Variants in TOP3A observed in about 807,000 individuals in gnomAD.
TOP3A encodes DNA topoisomerase III alpha.
A neutral mutation model predicts 111.3 loss-of-function variants in TOP3A; 64 were observed. The ratio of observed to expected loss-of-function variants is 0.57; its 90% confidence interval spans 0.47 to 0.71. The LOEUF is 0.71. Ranked by LOEUF, TOP3A falls within the 30% of genes least tolerant of loss-of-function variation. The pLI, the probability that TOP3A is intolerant of heterozygous loss-of-function variation, is 0.00. For missense variants in TOP3A, 1,104 were observed against 1,285.0 expected (o/e 0.86, Z 2.15); for synonymous variants, 484 against 485.1 (o/e 1.00, Z 0.03).
In TOP3A at chr17:18,273,955, T is replaced by A. The variant is rs1195964709; in HGVS notation, c.*847A>T. ...GATTCTTTTTATTTTTTTAAATTTTTAAATTTTTTTTGAGACTGAGTCTCG... is the reference window on the plus strand; with the variant it reads ...GATTCTTTTTATTTTTTTAAATTTTAAAATTTTTTTTGAGACTGAGTCTCG... On this transcript the variant is annotated 3_prime_UTR_variant, in exon 19 of 19. Transcript: ENST00000321105. 1.3e-5 allele frequency: 2 copies of A among 152,120 alleles called. No homozygotes were observed. The highest frequency in any genetic ancestry group is 1.5e-5 in the Non-Finnish European group (1 of 68,022). 9.4% of individuals were successfully genotyped at this position (152,120 alleles called of 1,614,324 possible). A position where few individuals can be genotyped will look rare whatever the true frequency, so the allele number is the denominator to read the frequency against.
chr17:18,284,893 A>G (rs1979990334), intron 15 of TOP3A, among the ~76,000 whole-genome samples: 1 of 152,242 alleles, frequency 6.6e-6, no homozygotes. Flanking sequence ...AGCTCTATGG[A>G]GAGTTGTAAA....
At chr17:18,285,575 G>A (rs534479088) in intron 13 of TOP3A, 55 bp from the exon 14 acceptor site, 8 of 1,510,930 alleles carry the variant, frequency 5.3e-6, no homozygotes, top group Non-Finnish European at 7.3e-6. Context: ...CTCCACCCGG[G>A]TGGCGCATGG....
intron 9 of TOP3A, among the ~76,000 whole-genome samples, chr17:18,299,269 A>T (rs567636120): frequency 1.3e-5 from 2 of 152,274 alleles, no homozygotes; most frequent in South Asian, 4.1e-4. Context: ...CTACCAAAAA[A>T]TTTTAAAAAT....
Position 18,302,375 on chromosome 17 carries a change from C to A in TOP3A, c.703G>T (p.Ala235Ser), listed in dbSNP as rs1424565141. 6.2e-7 allele frequency: 1 copy of A among 1,613,226 alleles called. No homozygotes were observed. Among genetic ancestry groups the A allele is most frequent in the African/African-American group, 1.3e-5 (1 of 74,878 alleles). Residue 235 changes from alanine to serine, a missense_variant, in exon 7 of 19, where the codon GCA (alanine) becomes TCA (serine). Ala to Ser is a moderately conservative substitution (Grantham distance 99). Coordinates refer to ENST00000321105, the MANE Select transcript of TOP3A (RefSeq NM_004618.5). The part of the protein sequence containing the change: ...RLQRIFPEVL[A>S]EQLISYGSCQ... ...CTGCCGTAACTGATGAGCTGCTCTG[C>A]CAGCACCTCAGGAAAAATCCTCTGA...
chr17:18,280,697 G>T lies in TOP3A; in HGVS notation c.2022-39C>A, dbSNP rs6502644. The T allele has an allele frequency of 0.3, 481,763 of 1,607,262 alleles. 74,859 individuals carry two copies. Among genetic ancestry groups the T allele is most frequent in the African/African-American group, 0.34 (25,180 of 74,862 alleles). On this transcript the variant is annotated intron_variant, in intron 16 of 18. Transcript: ENST00000321105. ...GCCATGTCAGATGATAGGAGTGCAG[G>T]AGATGCTCTCCGCTGTTGGCCATCA...
At position 18,302,700 on chromosome 17, in the gene TOP3A, G is replaced by A. The variant is rs1163645463; in HGVS notation, c.523C>T (p.Arg175Ter). ...GGTGTGATCTCAGAGAATCGGGCTC[G>A]CAACACCTGCAGATTGGGCTTTACT... is the stretch of plus-strand genomic sequence containing the variant. ...KAVKPNLQVLRARFSEITPHA... is the reference protein window; with the variant it reads ...KAVKPNLQVL Residue 175 changes from arginine to a stop codon, truncating the protein, a stop_gained, in exon 6 of 19, where the codon CGA becomes TGA. Coordinates refer to ENST00000321105, the MANE Select transcript of TOP3A (RefSeq NM_004618.5). LOFTEE classifies it high-confidence loss of function. 7 of 1,613,808 alleles carry A rather than the reference G, an allele frequency of 4.3e-6. No homozygotes were observed. The highest frequency in any genetic ancestry group is 5.1e-6 in the Non-Finnish European group (6 of 1,179,894).
At chr17:18,305,006 G>A in intron 5 of TOP3A, 106 bp downstream of exon 5, 12 of 874,348 alleles carry the variant, frequency 1.4e-5, no homozygotes, top group Non-Finnish European at 2.1e-5. Context: ...GGGAGGGAGA[G>A]TACCTGCAGA....
Position 18,292,687 on chromosome 17 carries a change from A to T in TOP3A, c.1239T>A (p.Ala413=). The T allele has an allele frequency of 6.3e-7, 1 of 1,590,032 alleles. No individual in the cohort carries two copies. Among genetic ancestry groups the T allele is most frequent in the Non-Finnish European group, 8.6e-7 (1 of 1,163,630 alleles). The change falls in exon 11 of 19, where the codon GCT becomes GCA. Residue 413 remains alanine (A), a synonymous_variant. Transcript: ENST00000321105. ...ATTTGGTGGGGTGAATGGGAGGGTG[A>T]GCTTGGTCAGACTTGTTCCCATTGC... ...TPRNGNKSDQ[A]HPPIHPTKYT... is the part of the protein sequence containing the mutation.
At chr17:18,280,772 G>T in intron 16 of TOP3A, 114 bp from the exon 17 acceptor site, 1 of 1,228,038 alleles carries the variant, frequency 8.1e-7, no homozygotes, top group Non-Finnish European at 1.2e-6. Context: ...CCCTTTTCTG[G>T]ATGACACTTA....
At chr17:18,291,969 C>A (rs1980502996) in intron 11 of TOP3A, among the ~76,000 whole-genome samples, 1 of 152,132 alleles carries the variant, frequency 6.6e-6, no homozygotes, top group African/African-American at 2.4e-5. Context: ...GCCTTGTCCT[C>A]CCACAGTGTT....
intron 18 of TOP3A, among the ~76,000 whole-genome samples, chr17:18,277,337 A>G (rs1180038841): frequency 6.6e-6 from 1 of 152,142 alleles, no homozygotes; most frequent in East Asian, 1.9e-4. Context: ...TACCCACTTC[A>G]TGTGTCTGGG....
rs540754836 is a variant in TOP3A, at chr17:18,298,117, G to A, written c.990+1442C>T. Among the ~76,000 whole-genome samples the A allele has an allele frequency of 7.9e-3, 1,155 of 146,156 alleles. 18 individuals are homozygous for A. The highest frequency in any genetic ancestry group is 0.028 in the African/African-American group (1,103 of 39,004). The stretch of plus-strand genomic sequence containing the variant: ...AGGAGCGTCTCTGCCCGGCCGCCCC[G>A]TCTGAGAGGTGAGGAGACCCTCTGC... On this transcript the variant is annotated intron_variant, in intron 9 of 18. Transcript: ENST00000321105.
chr17:18,291,125 A>G (rs1980453780), intron 11 of TOP3A, 98 bp from the exon 12 acceptor site: 2 of 1,225,674 alleles, frequency 1.6e-6, no homozygotes, highest in East Asian at 2.5e-5. Flanking sequence ...TGCACAGAAG[A>G]GGCCACACTG....
chr17:18,298,973 T>A (rs1218400353), intron 9 of TOP3A, among the ~76,000 whole-genome samples: 2 of 151,688 alleles, frequency 1.3e-5, no homozygotes, highest in African/African-American at 4.9e-5. Flanking sequence ...CACTTGTTTA[T>A]CTGCTGACCT....
At position 18,277,806 on chromosome 17, in the gene TOP3A, C is replaced by T. The variant is rs531159882; in HGVS notation, c.2696G>A (p.Cys899Tyr). The T allele has an allele frequency of 6.2e-7, 1 of 1,614,122 alleles. No homozygotes were observed. The highest frequency in any genetic ancestry group is 1.1e-5 in the South Asian group (1 of 91,080). Residue 899 changes from cysteine (C) to tyrosine (Y), a missense_variant, in exon 18 of 19, where the codon TGC becomes TAC. Cys to Tyr is a radical substitution (Grantham distance 194, BLOSUM62 -2). Coordinates refer to ENST00000321105, the MANE Select transcript of TOP3A (RefSeq NM_004618.5). ...AGTCCGTGTGACGGAGGGCTGGCTG[C>T]AAAGGCAGGATGTGCCACTACCACT... ...DGSGSGTSCL[C>Y]SQPSVTRTVQ...
intron 10 of TOP3A, among the ~76,000 whole-genome samples, chr17:18,293,658 G>A (rs764160937): frequency 7.9e-5 from 12 of 151,948 alleles, no homozygotes; most frequent in Admixed American, 3.9e-4. Flanking sequence ...GTGCAGTGGC[G>A]TGATCTCAGC....
Position 18,294,796 on chromosome 17 carries a change from G to C in TOP3A, c.991-11C>G. 1.2e-6 allele frequency: 2 copies of C among 1,600,138 alleles called. No individual in the cohort carries two copies. The highest frequency in any genetic ancestry group is 1.1e-5 in the South Asian group (1 of 90,698). On this transcript the variant is annotated splice_polypyrimidine_tract_variant and intron_variant, in intron 9 of 18. Coordinates refer to ENST00000321105, the MANE Select transcript of TOP3A (RefSeq NM_004618.5). ...CAGCTTCTCAAGCTCCTGTGAAATGGGTCAACAGGCATGTTAGGTGTACTG... is the reference window on the plus strand; with the variant it reads ...CAGCTTCTCAAGCTCCTGTGAAATGCGTCAACAGGCATGTTAGGTGTACTG...
chr17:18,300,757 A>G (rs1458410362), intron 8 of TOP3A, among the ~76,000 whole-genome samples: 2 of 152,000 alleles, frequency 1.3e-5, no homozygotes, highest in Non-Finnish European at 2.9e-5. Context: ...TTTCACTATG[A>G]AACCCAGGCT....
Position 18,271,573 on chromosome 17 carries a change from C to G in TOP3A, c.*3229G>C. The G allele has an allele frequency of 4.0e-6, 1 of 247,760 alleles. No individual in the cohort carries two copies. Among genetic ancestry groups the G allele is most frequent in the South Asian group, 3.4e-5 (1 of 29,758 alleles). The allele number at this position is 247,760 out of a possible 1,614,324, so 15.3% of individuals were successfully genotyped here. ...GCACACCCAGGGTGGCAGAAGAGGC[C>G]AGGAAGTGGGAGCTGAGCCTGGGTC... is the stretch of plus-strand genomic sequence containing the variant. On this transcript the variant is annotated 3_prime_UTR_variant, in exon 19 of 19. Coordinates refer to ENST00000321105, the MANE Select transcript of TOP3A (RefSeq NM_004618.5).
Sources: allele counts gnomAD v4.1 joint callset (sites outside exome capture counted in the v4.1 genomes callset), GRCh38; gene constraint gnomAD v4.1.1; transcripts MANE v1.5; gene names NCBI Gene and HGNC (gene_info 2026-07-23, HGNC 2026-07-21).